The following GREB1L variants were observed in gnomAD, a reference collection of about 807,000 sequenced individuals.
GREB1L encodes the protein GREB1-like protein.
In GREB1L, 17 loss-of-function variants were observed where a neutral mutation model predicts 200.8. The observed-to-expected ratio is 0.08, with a 90% CI of 0.06 to 0.13. The LOEUF is 0.13. GREB1L is among the 10% of genes least tolerant of loss of function. GREB1L has a pLI of 1.00. For synonymous variants in GREB1L, 789 were observed against 893.0 expected (o/e 0.88, Z 2.08); for missense variants, 1,657 against 2,367.7 (o/e 0.70, Z 6.23).
Position 21,430,875 on chromosome 18 carries a change from C to T in GREB1L, c.833-8646C>T, listed in dbSNP as rs1455265885. ...CCTCCCAAAGTGCTGGGATTACAGG[C>T]GTGAGCCACCGCACCTGGCCTCTTT... On this transcript the variant is annotated intron_variant, in intron 7 of 32. Coordinates refer to ENST00000424526, the MANE Select transcript of GREB1L (RefSeq NM_001142966.3). 3.3e-5 allele frequency among the ~76,000 whole-genome samples: 5 copies of T among 151,642 alleles called. No homozygotes were observed. The South Asian group carries it at 1.0e-3, about 32-fold the overall frequency.
intron 1 of GREB1L, among the ~76,000 whole-genome samples, chr18:21,323,175 C>T (rs1438671566): frequency 2.0e-5 from 3 of 151,930 alleles, no homozygotes; most frequent in Non-Finnish European, 4.4e-5. Flanking sequence ...TGGTCCCAGC[C>T]GCTTGGGAGG....
At chr18:21,315,237 G>C (rs537031324) in intron 1 of GREB1L, among the ~76,000 whole-genome samples, 1 of 152,020 alleles carries the variant, frequency 6.6e-6, no homozygotes, top group African/African-American at 2.4e-5. Flanking sequence ...CTACAGGCAC[G>C]CACCACCATG....
At chr18:21,393,063 C>T (rs1490281854) in intron 4 of GREB1L, among the ~76,000 whole-genome samples, 3 of 152,162 alleles carry the variant, frequency 2.0e-5, no homozygotes, top group African/African-American at 7.2e-5. Context: ...TGAGCCACTG[C>T]ACCTCGCCTC....
chr18:21,495,451 G>A (rs1335034309), intron 19 of GREB1L, among the ~76,000 whole-genome samples: 1 of 152,166 alleles, frequency 6.6e-6, no homozygotes, highest in South Asian at 2.1e-4. Context: ...CAGCATCTCC[G>A]TTTTATCCTA....
intron 15 of GREB1L, among the ~76,000 whole-genome samples, chr18:21,460,145 TTTG>T (rs2034978427): frequency 6.6e-6 from 1 of 152,062 alleles, no homozygotes; most frequent in South Asian, 2.1e-4. Context: ...AAATTCTTGT[TTTG>T]TTTTGTTTTG....
At chr18:21,440,435 A>G (rs1317479843) in intron 9 of GREB1L, 47 bp downstream of exon 9, 2 of 1,507,990 alleles carry the variant, frequency 1.3e-6, no homozygotes, top group Non-Finnish European at 1.8e-6. Context: ...TTTAATTAGC[A>G]GAGATATCTT....
At chr18:21,505,665 A>AT in intron 24 of GREB1L, 98 bp downstream of exon 24, 2 of 1,431,284 alleles carry the variant, frequency 1.4e-6, no homozygotes, top group Non-Finnish European at 1.9e-6. Context: ...TATGCGCATC[A>AT]TTTTTTAAAT....
chr18:21,304,256 C>T (rs1233517865), intron 1 of GREB1L, among the ~76,000 whole-genome samples: 1 of 149,068 alleles, frequency 6.7e-6, no homozygotes, highest in Non-Finnish European at 1.5e-5. Flanking sequence ...TTATTATTTC[C>T]TGATTGTGGT....
intron 1 of GREB1L, among the ~76,000 whole-genome samples, chr18:21,260,626 A>G (rs1344910759): frequency 3.9e-5 from 6 of 152,030 alleles, no homozygotes; most frequent in African/African-American, 1.2e-4. Context: ...GTGTTTAGAA[A>G]TACTTTTCCC....
At chr18:21,467,202 T>C (rs1374669705) in intron 15 of GREB1L, among the ~76,000 whole-genome samples, 2 of 152,244 alleles carry the variant, frequency 1.3e-5, no homozygotes, top group African/African-American at 4.8e-5. Flanking sequence ...TAATTATTTC[T>C]TGTATATGAC....
intron 7 of GREB1L, among the ~76,000 whole-genome samples, chr18:21,434,503 G>GTGTGTA (rs1486984443): frequency 2.2e-5 from 2 of 90,176 alleles, no homozygotes; most frequent in African/African-American, 9.9e-5. Flanking sequence ...ATATATATGT[G>GTGTGTA]TGTGTGTGTG....
At chr18:21,492,339 C>G (rs947982108) in intron 19 of GREB1L, among the ~76,000 whole-genome samples, 4 of 151,554 alleles carry the variant, frequency 2.6e-5, no homozygotes, top group Non-Finnish European at 5.9e-5. Flanking sequence ...GAGCAAGACT[C>G]TGTCTCAAAA....
chr18:21,490,962 CTG>C (rs1313763029), intron 19 of GREB1L, among the ~76,000 whole-genome samples: 6 of 152,166 alleles, frequency 3.9e-5, no homozygotes, highest in African/African-American at 1.4e-4. Flanking sequence ...TAGTGCATGA[CTG>C]AGTCCCTCAC....
At position 21,268,520 on chromosome 18, in the gene GREB1L, T is replaced by TACAC. The variant is rs1223067944; in HGVS notation, c.-120+26128_-120+26129insCACA. Among the ~76,000 whole-genome samples the TACAC allele has an allele frequency of 3.1e-3, 231 of 74,824 alleles. 1 individual carries two copies. The highest frequency in any genetic ancestry group is 8.9e-3 in the East Asian group (22 of 2,460). 49.1% of individuals were successfully genotyped at this position (74,824 alleles called of 152,430 possible). ...ATATACATATATATATGTATATATATATACACACACACACACACACACACA... is the reference window on the plus strand; with the variant it reads ...ATATACATATATATATGTATATATATACACATACACACACACACACACACACACA... On this transcript the variant is annotated intron_variant, in intron 1 of 32. Coordinates refer to ENST00000424526, the MANE Select transcript of GREB1L (RefSeq NM_001142966.3).
chr18:21,252,637 G>A (rs185782431), intron 1 of GREB1L, among the ~76,000 whole-genome samples: 33 of 152,068 alleles, frequency 2.2e-4, no homozygotes, highest in African/African-American at 7.0e-4. Context: ...GGAGGCCGAG[G>A]TGGGTGGATC....
intron 1 of GREB1L, among the ~76,000 whole-genome samples, chr18:21,320,947 T>C (rs954029577): frequency 2.0e-5 from 3 of 152,124 alleles, no homozygotes; most frequent in Non-Finnish European, 2.9e-5. Flanking sequence ...AAGTCTGATA[T>C]TTGCATAACT....
chr18:21,442,465 T>C (rs1045798174), intron 10 of GREB1L, among the ~76,000 whole-genome samples: 1 of 152,224 alleles, frequency 6.6e-6, no homozygotes, highest in African/African-American at 2.4e-5. Flanking sequence ...AAATGCTGTA[T>C]AGATTAGGAA....
intron 31 of GREB1L, among the ~76,000 whole-genome samples, chr18:21,518,539 C>T (rs1479014744): frequency 6.6e-6 from 1 of 152,204 alleles, no homozygotes; most frequent in Admixed American, 6.5e-5. Flanking sequence ...AAGAAGCCTA[C>T]CTCGGTGACT....
chr18:21,381,850 T>C (rs2040328121), intron 2 of GREB1L, among the ~76,000 whole-genome samples: 1 of 152,142 alleles, frequency 6.6e-6, no homozygotes, highest in African/African-American at 2.4e-5. Context: ...GCCCTTTTGA[T>C]TATTTGGAAT....
Sources: allele counts gnomAD v4.1 joint callset (sites outside exome capture counted in the v4.1 genomes callset), GRCh38; gene constraint gnomAD v4.1.1; transcripts MANE v1.5; gene names NCBI Gene and HGNC (gene_info 2026-07-23, HGNC 2026-07-21).